Variants in KCND2 observed in about 807,000 individuals in gnomAD.
KCND2 encodes A-type voltage-gated potassium channel KCND2.
Under a neutral mutation model 54.4 loss-of-function variants are expected in KCND2, and 16 were observed. That is an observed-to-expected ratio of 0.29 (90% CI 0.20 to 0.45). The LOEUF (loss-of-function observed/expected upper bound fraction) is 0.45, where lower values mean the gene tolerates loss of function less well. Among genes scored for constraint, KCND2 ranks in the 20% least tolerant of loss-of-function variants. The pLI is 1.00. For missense variants in KCND2, 486 were observed against 824.2 expected (o/e 0.59, Z 5.02); for synonymous variants, 317 against 310.7 (o/e 1.02, Z -0.21).
At chr7:120,433,230 G>T (rs1268440147) in intron 1 of KCND2, among the ~76,000 whole-genome samples, 1 of 152,144 alleles carries the variant, frequency 6.6e-6, no homozygotes, top group Non-Finnish European at 1.5e-5. Flanking sequence ...CAGCCCCCAG[G>T]CACTGTTAAT....
At chr7:120,692,387 T>C (rs1201280310) in intron 1 of KCND2, among the ~76,000 whole-genome samples, 2 of 152,164 alleles carry the variant, frequency 1.3e-5, no homozygotes, top group Admixed American at 6.5e-5. Flanking sequence ...CAAACTTTTT[T>C]TTAGTTATCT....
intron 1 of KCND2, among the ~76,000 whole-genome samples, chr7:120,434,265 A>G (rs1801835186): frequency 6.6e-6 from 1 of 152,216 alleles, no homozygotes; most frequent in African/African-American, 2.4e-5. Flanking sequence ...CACAAGAGGC[A>G]TCTATGGGAG....
chr7:120,516,530 T>C (rs1041770793), intron 1 of KCND2, among the ~76,000 whole-genome samples: 5 of 152,082 alleles, frequency 3.3e-5, no homozygotes, highest in Non-Finnish European at 4.4e-5. Flanking sequence ...AGAAAGAGGC[T>C]TCATAGGCTA....
intron 1 of KCND2, among the ~76,000 whole-genome samples, chr7:120,490,373 T>G (rs1802762531): frequency 6.6e-6 from 1 of 152,188 alleles, no homozygotes; most frequent in African/African-American, 2.4e-5. Context: ...GTGATCCCAG[T>G]AGTTATTAGA....
At chr7:120,742,345 C>T (rs974974953) in intron 3 of KCND2, 165 bp from the exon 4 acceptor site, 31 of 642,398 alleles carry the variant, frequency 4.8e-5, no homozygotes, top group Non-Finnish European at 8.2e-5. Flanking sequence ...ATTGTAAATG[C>T]CGATCATCCA....
At chr7:120,598,999 G>A (rs568546567) in intron 1 of KCND2, among the ~76,000 whole-genome samples, 1 of 152,216 alleles carries the variant, frequency 6.6e-6, no homozygotes, top group Admixed American at 6.5e-5. Flanking sequence ...GTTAAATTTT[G>A]TGTATGATAT....
chr7:120,549,105 T>C (rs1218547671), intron 1 of KCND2, among the ~76,000 whole-genome samples: 1 of 152,114 alleles, frequency 6.6e-6, no homozygotes, highest in Non-Finnish European at 1.5e-5. Flanking sequence ...TCCATTAAGA[T>C]GTCAGAAGCC....
chr7:120,710,515 A>G (rs558719097), intron 1 of KCND2, among the ~76,000 whole-genome samples: 5 of 152,278 alleles, frequency 3.3e-5, no homozygotes, highest in African/African-American at 1.2e-4. Flanking sequence ...AAACAAGGTC[A>G]ATATCTTCAC....
At chr7:120,667,066 C>T (rs1447943098) in intron 1 of KCND2, among the ~76,000 whole-genome samples, 2 of 151,946 alleles carry the variant, frequency 1.3e-5, no homozygotes, top group Non-Finnish European at 2.9e-5. Flanking sequence ...GAAGGAAGTA[C>T]ATCACAAGCT....
chr7:120,574,619 C>A (rs893944596), intron 1 of KCND2, among the ~76,000 whole-genome samples: 12 of 152,026 alleles, frequency 7.9e-5, no homozygotes, highest in Admixed American at 6.6e-4. Flanking sequence ...AAAAAAAATA[C>A]CAGTGTCTGA....
chr7:120,547,582 G>A (rs1316687780), intron 1 of KCND2, among the ~76,000 whole-genome samples: 2 of 151,980 alleles, frequency 1.3e-5, no homozygotes, highest in Non-Finnish European at 2.9e-5. Context: ...AAAGTGTCCA[G>A]TACATCCAAG....
chr7:120,315,666 T>TATCA (rs1262940669), intron 1 of KCND2, among the ~76,000 whole-genome samples: 2 of 152,104 alleles, frequency 1.3e-5, no homozygotes, highest in Non-Finnish European at 2.9e-5. Context: ...AGTTCCCCTC[T>TATCA]ATCAGCATAC....
chr7:120,683,236 T>A (rs966305639), intron 1 of KCND2, among the ~76,000 whole-genome samples: 7 of 152,190 alleles, frequency 4.6e-5, no homozygotes, highest in African/African-American at 1.7e-4. Flanking sequence ...ATGGTTTTTT[T>A]ATTTGCTTTT....
intron 1 of KCND2, among the ~76,000 whole-genome samples, chr7:120,400,296 A>G: frequency 6.6e-6 from 1 of 152,166 alleles, no homozygotes; most frequent in East Asian, 1.9e-4. Flanking sequence ...GGCTCCTTGG[A>G]GAAAATTTTA....
chr7:120,641,445 T>C (rs1422893075), intron 1 of KCND2, among the ~76,000 whole-genome samples: 5 of 152,178 alleles, frequency 3.3e-5, no homozygotes, highest in African/African-American at 9.6e-5. Context: ...CTCTGTGACC[T>C]TGTGTAAATC....
At chr7:120,527,085 T>G (rs563597755) in intron 1 of KCND2, among the ~76,000 whole-genome samples, 24 of 152,284 alleles carry the variant, frequency 1.6e-4, no homozygotes, top group African/African-American at 5.5e-4. Flanking sequence ...CACAATGTAC[T>G]GGCGGAGGAG....
chr7:120,443,718 A>T (rs1229363564), intron 1 of KCND2, among the ~76,000 whole-genome samples: 3 of 151,700 alleles, frequency 2.0e-5, no homozygotes, highest in Non-Finnish European at 4.4e-5. Context: ...GATGTCCAAT[A>T]CCTAAGCTCA....
chr7:120,750,241 A>T lies in KCND2; in HGVS notation c.*2383A>T, dbSNP rs1793055417. ...ATTTTGTTTGAAATTCATATATCTT[A>T]TTTCAAAGGATAGCATAATATCTGC... is the stretch of plus-strand genomic sequence containing the variant. On this transcript the variant is annotated 3_prime_UTR_variant, in exon 6 of 6. Transcript: ENST00000331113. 1 of 152,404 alleles carries T rather than the reference A, an allele frequency of 6.6e-6. No homozygotes were observed. The highest frequency in any genetic ancestry group is 2.4e-5 in the African/African-American group (1 of 41,428). 9.4% of individuals were successfully genotyped at this position (152,404 alleles called of 1,614,324 possible).
At chr7:120,300,271 G>A (rs943661200) in intron 1 of KCND2, among the ~76,000 whole-genome samples, 4 of 152,084 alleles carry the variant, frequency 2.6e-5, no homozygotes, top group Non-Finnish European at 5.9e-5. Context: ...ACTGTGTTGT[G>A]TCCAGAAAAT....
Sources: gnomAD v4.1 joint callset for allele counts (sites outside exome capture counted in the v4.1 genomes callset) on GRCh38, gnomAD v4.1.1 for gene constraint, MANE v1.5 for transcripts, NCBI Gene and HGNC (gene_info 2026-07-23, HGNC 2026-07-21) for gene names.